The following FRMPD3 variants were observed in gnomAD, a reference collection of about 807,000 sequenced individuals.
FRMPD3 encodes FERM and PDZ domain-containing protein 3.
A neutral mutation model predicts 97.9 loss-of-function variants in FRMPD3; 42 were observed. The observed-to-expected ratio is 0.43, with a 90% CI of 0.34 to 0.55. The LOEUF is 0.55. FRMPD3 is among the 20% of genes least tolerant of loss of function. FRMPD3 has a pLI of 0.03. For synonymous variants in FRMPD3, 577 were observed against 581.1 expected (o/e 0.99, Z 0.10); for missense variants, 1,303 against 1,457.7 (o/e 0.89, Z 1.73).
chrX:107,492,439 G>A (rs1921682846), intron 1 of FRMPD3, among the ~76,000 whole-genome samples: 1 of 111,740 alleles, frequency 8.9e-6, no homozygotes, highest in Non-Finnish European at 1.9e-5. Flanking sequence ...CCCTGAGTGT[G>A]AGAGATTAAT....
chrX:107,515,327 T>A (rs1922283469), intron 1 of FRMPD3, among the ~76,000 whole-genome samples: 1 of 111,286 alleles, frequency 9.0e-6, no homozygotes, highest in African/African-American at 3.3e-5. Flanking sequence ...TGGAGGACAG[T>A]CTGGAGGTAG....
chrX:107,450,481 G>A (rs1251069868), intron 1 of FRMPD3, among the ~76,000 whole-genome samples: 1 of 108,559 alleles, frequency 9.2e-6, no homozygotes, highest in African/African-American at 3.4e-5. Context: ...GTTCACAAGC[G>A]GACACGGAGG....
At chrX:107,526,227 T>A (rs1922691411) in intron 1 of FRMPD3, among the ~76,000 whole-genome samples, 1 of 111,967 alleles carries the variant, frequency 8.9e-6, no homozygotes, top group Admixed American at 9.4e-5. Flanking sequence ...CTTTACGGAG[T>A]TAATAGCTAA....
At chrX:107,568,671 T>C (rs1922719609) in intron 12 of FRMPD3, among the ~76,000 whole-genome samples, 1 of 104,926 alleles carries the variant, frequency 9.5e-6, no homozygotes, top group African/African-American at 3.5e-5. Flanking sequence ...GAGGCAGAGG[T>C]TGCAGTGAGC....
rs1205474545 is a variant in FRMPD3 at position 107,506,056 on chromosome X, C to T, written c.-7-20526C>T. 4.4e-5 allele frequency among the ~76,000 whole-genome samples: 5 copies of T among 112,487 alleles called. No homozygotes were observed. The Admixed American group carries it at 4.7e-4, about 11-fold the overall frequency. ...GACTGCTGCACCGTCACCCCCTAGACACTTCTAGCATAACCCAGACCTCGA... is the reference window on the plus strand; with the variant it reads ...GACTGCTGCACCGTCACCCCCTAGATACTTCTAGCATAACCCAGACCTCGA... On this transcript the variant is annotated intron_variant, in intron 1 of 14. Transcript: ENST00000683843.
intron 4 of FRMPD3, among the ~76,000 whole-genome samples, chrX:107,542,809 CAAAG>C (rs1465809415): frequency 8.9e-6 from 1 of 111,775 alleles, no homozygotes; most frequent in African/African-American, 3.3e-5. Flanking sequence ...GGCCTTAACA[CAAAG>C]AAATTCCTGA....
intron 1 of FRMPD3, among the ~76,000 whole-genome samples, chrX:107,475,924 G>C (rs965629609): frequency 8.9e-6 from 1 of 111,866 alleles, no homozygotes; most frequent in African/African-American, 3.3e-5. Context: ...TTGCTTTGTC[G>C]CCAGGCTGGA....
intron 1 of FRMPD3, among the ~76,000 whole-genome samples, chrX:107,452,644 G>A (rs1055947281): frequency 4.5e-5 from 5 of 111,618 alleles, no homozygotes; most frequent in African/African-American, 1.6e-4. Flanking sequence ...TGGCTTCTTT[G>A]GATAGTGCAA....
rs770662470 is a variant in FRMPD3, at chrX:107,597,474, A to G, written c.1595A>G (p.His532Arg). 1.7e-6 allele frequency: 2 copies of G among 1,210,634 alleles called. No homozygotes were observed. The highest frequency in any genetic ancestry group is 1.8e-5 in the South Asian group (1 of 56,961). ...DSELVSFCYL[H>R]MREQRKEQES... The stretch of plus-strand genomic sequence containing the variant: ...GAGCTTGTCAGCTTCTGCTACCTCC[A>G]TATGCGGGAACAAAGGAAGGAGCAG... Residue 532 changes from histidine to arginine, a missense_variant, in exon 14 of 15, where the codon CAT becomes CGT. Coordinates refer to ENST00000683843, the MANE Select transcript of FRMPD3 (RefSeq NM_001388459.1).
rs188109393 is a variant in FRMPD3, at chrX:107,593,153, T to C, written c.1442-4168T>C. 4.6e-3 allele frequency among the ~76,000 whole-genome samples: 513 copies of C among 111,902 alleles called. 2 individuals carry two copies. Among genetic ancestry groups the C allele is most frequent in the African/African-American group, 0.016 (490 of 30,916 alleles). On this transcript the variant is annotated intron_variant, in intron 13 of 14. Coordinates refer to ENST00000683843, the MANE Select transcript of FRMPD3 (RefSeq NM_001388459.1). ...TGCATTTCCCTGATAATTAGTGATG[T>C]TGCACATTTTTCCCTATGCTCGGCC... is the stretch of plus-strand genomic sequence containing the variant.
intron 8 of FRMPD3, among the ~76,000 whole-genome samples, chrX:107,559,048 A>G (rs1188709313): frequency 1.9e-5 from 2 of 104,019 alleles, no homozygotes; most frequent in Admixed American, 1.1e-4. Context: ...GCTCATTGGA[A>G]CCTCCACCTC....
Position 107,603,362 on chromosome X carries a change from C to CT in FRMPD3, c.5325dup (p.Ile1776TyrfsTer2), listed in dbSNP as rs1328135362. 4.1e-5 allele frequency: 47 copies of CT among 1,146,397 alleles called. No individual in the cohort carries two copies. Among genetic ancestry groups the CT allele is most frequent in the Middle Eastern group, 4.7e-4 (2 of 4,244 alleles). The allele number at this position is 1,146,397 out of a possible 1,213,427, so 94.5% of individuals were successfully genotyped here. Reference sequence around the variant, plus strand: ...CACATTCACCCACTCCTTAAAAACCCTTATTAAGTAGGGCATCTGCCCACA... The same window carrying CT: ...CACATTCACCCACTCCTTAAAAACCCTTTATTAAGTAGGGCATCTGCCCACA... On this transcript the variant is annotated frameshift_variant, in exon 15 of 15. Transcript: ENST00000683843. LOFTEE classifies it high-confidence loss of function.
chrX:107,526,800 C>T, intron 2 of FRMPD3, 64 bp downstream of exon 2: 1 of 1,041,359 alleles, frequency 9.6e-7, no homozygotes, highest in African/African-American at 1.9e-5. Flanking sequence ...ACATATCTTC[C>T]CAAAAAGCAG....
chrX:107,578,412 G>A (rs5962857), intron 13 of FRMPD3, among the ~76,000 whole-genome samples: 1 of 111,514 alleles, frequency 9.0e-6, no homozygotes, highest in South Asian at 3.8e-4. Flanking sequence ...ATTCCAACAT[G>A]CCATGTTGCT....
rs779589580 is a variant in FRMPD3, at chrX:107,507,524, T to TCTCC, written c.-7-19056_-7-19053dup. ...GAAGTGTCCGGGACTTCTAGCTGCCTCTCCCACCCCTGCCCCTCAGCGCCT... is the reference window on the plus strand; with the variant it reads ...GAAGTGTCCGGGACTTCTAGCTGCCTCTCCCTCCCACCCCTGCCCCTCAGCGCCT... On this transcript the variant is annotated intron_variant, in intron 1 of 14. Transcript: ENST00000683843. 5.5e-4 allele frequency among the ~76,000 whole-genome samples: 61 copies of TCTCC among 110,999 alleles called. 1 individual carries two copies. Among genetic ancestry groups the TCTCC allele is most frequent in the African/African-American group, 1.9e-3 (59 of 30,489 alleles).
chrX:107,511,070 G>C (rs1922152187), intron 1 of FRMPD3, among the ~76,000 whole-genome samples: 2 of 112,209 alleles, frequency 1.8e-5, no homozygotes, highest in South Asian at 7.5e-4. Flanking sequence ...GGCTAGACTG[G>C]CCTGCCCCTC....
At chrX:107,540,273 T>C (rs887864798) in intron 4 of FRMPD3, among the ~76,000 whole-genome samples, 1 of 111,933 alleles carries the variant, frequency 8.9e-6, no homozygotes, top group African/African-American at 3.3e-5. Context: ...GTGGTTGCTA[T>C]AGGAATTGGT....
chrX:107,500,805 C>CAAAAA (rs768889360), intron 1 of FRMPD3, among the ~76,000 whole-genome samples: 3 of 34,533 alleles, frequency 8.7e-5, no homozygotes, highest in African/African-American at 2.8e-4. Flanking sequence ...AAGACTCTGT[C>CAAAAA]AAAAAAAAAA....
At chrX:107,451,008 G>GCA (rs1456927983) in intron 1 of FRMPD3, among the ~76,000 whole-genome samples, 1 of 109,917 alleles carries the variant, frequency 9.1e-6, no homozygotes, top group Non-Finnish European at 1.9e-5. Flanking sequence ...TGGGTTTCCT[G>GCA]CACACACACA....
Sources: gnomAD v4.1 joint callset for allele counts (sites outside exome capture counted in the v4.1 genomes callset) on GRCh38, gnomAD v4.1.1 for gene constraint, MANE v1.5 for transcripts, NCBI Gene and HGNC (gene_info 2026-07-23, HGNC 2026-07-21) for gene names.